Variants in IARS2 observed in about 807,000 individuals in gnomAD.
The protein encoded by IARS2 is isoleucine--tRNA ligase, mitochondrial.
Under a neutral mutation model 126.3 loss-of-function variants are expected in IARS2, and 56 were observed. The observed-to-expected ratio is 0.44, with a 90% CI of 0.36 to 0.55. IARS2 has a LOEUF of 0.55. Among genes scored for constraint, IARS2 ranks in the 20% least tolerant of loss-of-function variants. IARS2 has a pLI of 0.00. For missense variants in IARS2, 1,127 were observed against 1,245.9 expected (o/e 0.90, Z 1.44); for synonymous variants, 407 against 441.1 (o/e 0.92, Z 0.97).
At position 220,135,812 on chromosome 1, in the gene IARS2, A is replaced by AT. The variant is rs1282331832; in HGVS notation, c.1947-976dup. Among the ~76,000 whole-genome samples the AT allele has an allele frequency of 7.3e-3, 921 of 125,910 alleles. 8 individuals carry two copies. Among genetic ancestry groups the AT allele is most frequent in the African/African-American group, 1.0e-2 (344 of 34,532 alleles). 82.6% of individuals were successfully genotyped at this position (125,910 alleles called of 152,430 possible). A position where few individuals can be genotyped will look rare whatever the true frequency, so the allele number is the denominator to read the frequency against. ...TCCTGGTTTTATTTTTTCATTTAAA[A>AT]TTTTTTTTTTTTTTTTTTTTTAGTG... On this transcript the variant is annotated intron_variant, in intron 15 of 22. Coordinates refer to ENST00000366922, the MANE Select transcript of IARS2 (RefSeq NM_018060.4).
intron 18 of IARS2, among the ~76,000 whole-genome samples, chr1:220,139,402 A>G (rs1032889530): frequency 2.0e-5 from 3 of 152,208 alleles, no homozygotes; most frequent in Non-Finnish European, 4.4e-5. Context: ...ACCAAAATGG[A>G]CTATCCTATT....
chr1:220,126,891 T>C (rs376445008), intron 14 of IARS2, 48 bp downstream of exon 14: 3 of 1,334,136 alleles, frequency 2.2e-6, no homozygotes, highest in African/African-American at 2.9e-5. Flanking sequence ...TTTGAAAATA[T>C]GGAATTGGTA....
At chr1:220,094,533 G>C (rs935560157) in intron 1 of IARS2, 50 bp downstream of exon 1, 4 of 1,472,828 alleles carry the variant, frequency 2.7e-6, no homozygotes, top group Middle Eastern at 2.5e-4. Flanking sequence ...CGATCCGGCC[G>C]CGGGCACCGG....
chr1:220,105,887 A>T lies in IARS2; in HGVS notation c.1067-4A>T, dbSNP rs1304074044. The T allele has an allele frequency of 9.3e-6, 15 of 1,613,280 alleles. No homozygotes were observed. The highest frequency in any genetic ancestry group is 1.3e-5 in the African/African-American group (1 of 74,914). ...TTCTTAATAGTGGTTTTCTTTCCCCACAGGTGTAGATTTGGAAAATGGTAC... is the reference window on the plus strand; with the variant it reads ...TTCTTAATAGTGGTTTTCTTTCCCCTCAGGTGTAGATTTGGAAAATGGTAC... On this transcript the variant is annotated splice_polypyrimidine_tract_variant and splice_region_variant and intron_variant, in intron 8 of 22. Transcript: ENST00000366922.
At chr1:220,122,126 T>A (rs1006433706) in intron 12 of IARS2, among the ~76,000 whole-genome samples, 5 of 152,168 alleles carry the variant, frequency 3.3e-5, no homozygotes, top group Non-Finnish European at 7.3e-5. Flanking sequence ...ATAAAATGGA[T>A]ATGTTTCATC....
chr1:220,147,830 T>C lies in IARS2; in HGVS notation c.*195T>C. On this transcript the variant is annotated 3_prime_UTR_variant, in exon 23 of 23. Coordinates refer to ENST00000366922, the MANE Select transcript of IARS2 (RefSeq NM_018060.4). The stretch of plus-strand genomic sequence containing the variant: ...ATAGAAAGAATTATGTATATATACA[T>C]GCAGAAATATATATGTGTGTGTGTA... 1.7e-6 allele frequency: 1 copy of C among 582,794 alleles called. No individual in the cohort carries two copies. The highest frequency in any genetic ancestry group is 3.0e-6 in the Non-Finnish European group (1 of 330,510). 36.1% of individuals were successfully genotyped at this position (582,794 alleles called of 1,614,324 possible). A position where few individuals can be genotyped will look rare whatever the true frequency, so the allele number is the denominator to read the frequency against.
At position 220,094,294 on chromosome 1, in the gene IARS2, C is replaced by A; in HGVS notation, c.78C>A (p.Arg26=). 1 of 1,611,716 alleles carries A rather than the reference C, an allele frequency of 6.2e-7. No homozygotes were observed. Among genetic ancestry groups the A allele is most frequent in the Non-Finnish European group, 8.5e-7 (1 of 1,179,146 alleles). ...ATARSLWGTP[R]LPCSPGWQGA... is the part of the protein sequence containing the mutation. ...CCCGAAGTTTGTGGGGGACGCCCCG[C>A]CTTCCCTGCAGCCCGGGATGGCAAG... Residue 26 remains arginine, a synonymous_variant, in exon 1 of 23, where the codon CGC becomes CGA. Coordinates refer to ENST00000366922, the MANE Select transcript of IARS2 (RefSeq NM_018060.4).
chr1:220,135,362 A>G (rs1297299198), intron 15 of IARS2, among the ~76,000 whole-genome samples: 2 of 149,978 alleles, frequency 1.3e-5, no homozygotes, highest in South Asian at 2.1e-4. Context: ...AACATTTCAC[A>G]TGTTTCTTTT....
chr1:220,117,706 T>G (rs772078528), intron 12 of IARS2: 15 of 405,718 alleles, frequency 3.7e-5, no homozygotes, highest in Non-Finnish European at 5.7e-5. Flanking sequence ...TTAGGTTAAA[T>G]AAATATGAGC....
chr1:220,097,345 T>G (rs1163965601), intron 2 of IARS2, among the ~76,000 whole-genome samples: 2 of 150,828 alleles, frequency 1.3e-5, no homozygotes, highest in East Asian at 3.9e-4. Context: ...CCACCTTCTC[T>G]TTCCCAACAG....
At chr1:220,096,999 TCGCGCCACTGCACTCCAGCCTGGGCAA>T (rs1368716054) in intron 2 of IARS2, among the ~76,000 whole-genome samples, 1 of 150,744 alleles carries the variant, frequency 6.6e-6, no homozygotes, top group Non-Finnish European at 1.5e-5. Context: ...TGAGCCGAGA[TCGCGCCACTGCACTCCAGCCTGGGCAA>T]CAGAGCAAGA....
intron 4 of IARS2, 26 bp from the exon 5 acceptor site, chr1:220,102,337 T>C: frequency 6.2e-7 from 1 of 1,611,422 alleles, no homozygotes. Context: ...ATTCTACTTT[T>C]AACATCATAT....
chr1:220,132,321 G>T (rs1185299990), intron 14 of IARS2, among the ~76,000 whole-genome samples: 5 of 152,028 alleles, frequency 3.3e-5, no homozygotes, highest in South Asian at 4.2e-4. Flanking sequence ...ACTTTTCTTT[G>T]TTGGGAGATT....
At chr1:220,096,272 A>G (rs1381608752) in intron 2 of IARS2, 46 bp downstream of exon 2, 2 of 1,250,586 alleles carry the variant, frequency 1.6e-6, no homozygotes, top group African/African-American at 3.0e-5. Context: ...GTGTTTATGT[A>G]AATACTCTTT....
chr1:220,103,043 T>C (rs1235089879), intron 7 of IARS2, among the ~76,000 whole-genome samples: 1 of 151,996 alleles, frequency 6.6e-6, no homozygotes, highest in Non-Finnish European at 1.5e-5. Context: ...TTTTCTTTTT[T>C]CTTTTTTTTT....
Position 220,094,311 on chromosome 1 carries a change from G to A in IARS2, c.95G>A (p.Gly32Glu). ...ACGCCCCGCCTTCCCTGCAGCCCGG[G>A]ATGGCAAGGGGCGACGAAGAGGCTT... ...WGTPRLPCSP[G>E]WQGATKRLLV... The change falls in exon 1 of 23, where the codon GGA becomes GAA. Residue 32 changes from glycine to glutamate, a missense_variant. Gly to Glu is a moderately conservative substitution (Grantham distance 98, BLOSUM62 -2). Coordinates refer to ENST00000366922, the MANE Select transcript of IARS2 (RefSeq NM_018060.4). 4 of 1,612,596 alleles carry A rather than the reference G, an allele frequency of 2.5e-6. No individual in the cohort carries two copies. The highest frequency in any genetic ancestry group is 3.4e-6 in the Non-Finnish European group (4 of 1,179,476).
chr1:220,136,984 A>G, intron 16 of IARS2, 73 bp downstream of exon 16: 1 of 783,686 alleles, frequency 1.3e-6, no homozygotes, highest in Non-Finnish European at 2.1e-6. Context: ...CCCTTAATAT[A>G]GTTACTTCAA....
chr1:220,099,063 A>G (rs1299608894), intron 2 of IARS2, among the ~76,000 whole-genome samples: 1 of 151,992 alleles, frequency 6.6e-6, no homozygotes, highest in East Asian at 1.9e-4. Context: ...ATACAAAAAA[A>G]TTAGCTGGGC....
At position 220,144,062 on chromosome 1, in the gene IARS2, G is replaced by A. The variant is rs529194478; in HGVS notation, c.2751+928G>A. ...GTCAGTACAATGAAACCAAACTGGC[G>A]GGATGGAAGCAGATTATTTTGCCAT... On this transcript the variant is annotated intron_variant, in intron 21 of 22. Coordinates refer to ENST00000366922, the MANE Select transcript of IARS2 (RefSeq NM_018060.4). 4.0e-4 allele frequency: 519 copies of A among 1,284,882 alleles called. 7 individuals carry two copies. In the South Asian group the frequency reaches 5.6e-3, roughly 14 times the overall value. 79.6% of individuals were successfully genotyped at this position (1,284,882 alleles called of 1,614,324 possible).
Sources: gnomAD v4.1 joint callset for allele counts (sites outside exome capture counted in the v4.1 genomes callset) on GRCh38, gnomAD v4.1.1 for gene constraint, MANE v1.5 for transcripts, NCBI Gene and HGNC (gene_info 2026-07-23, HGNC 2026-07-21) for gene names.